Variants in SOS1 observed in about 807,000 individuals in gnomAD.
The protein encoded by SOS1 is SOS Ras/Rac guanine nucleotide exchange factor 1, also known as son of sevenless homolog 1.
A neutral mutation model predicts 157.6 loss-of-function variants in SOS1; 25 were observed. The observed-to-expected ratio is 0.16, with a 90% confidence interval of 0.12 to 0.22. The LOEUF is 0.22. Among genes scored for constraint, SOS1 ranks in the 10% least tolerant of loss-of-function variants. SOS1 has a pLI of 1.00. For synonymous variants in SOS1, 528 were observed against 534.0 expected, an observed-to-expected ratio of 0.99 and a Z score of 0.16; for missense variants, 1,237 against 1,599.1, an observed-to-expected ratio of 0.77 and a Z score of 3.86.
chr2:39,027,408 T>G (rs1242566944), intron 8 of SOS1, among the ~76,000 whole-genome samples: 4 of 152,240 alleles, frequency 2.6e-5, no homozygotes, highest in African/African-American at 9.6e-5. Flanking sequence ...GATGAAATAC[T>G]TTTAAAATGT....
At chr2:39,064,692 T>A (rs568330781) in intron 2 of SOS1, among the ~76,000 whole-genome samples, 1 of 151,312 alleles carries the variant, frequency 6.6e-6, no homozygotes, top group South Asian at 2.1e-4. Context: ...TCAGAAAGAT[T>A]TTTAAATGTG....
chr2:39,076,563 G>A (rs549647156), intron 1 of SOS1, among the ~76,000 whole-genome samples: 1 of 152,264 alleles, frequency 6.6e-6, no homozygotes, highest in East Asian at 1.9e-4. Flanking sequence ...GACAATAGAT[G>A]CAGAAAAGGT....
intron 1 of SOS1, among the ~76,000 whole-genome samples, chr2:39,068,082 G>A (rs1211722890): frequency 6.6e-6 from 1 of 152,182 alleles, no homozygotes; most frequent in East Asian, 1.9e-4. Context: ...TCTTGCCACT[G>A]CACTCCAGCC....
intron 21 of SOS1, among the ~76,000 whole-genome samples, chr2:38,988,207 G>A (rs556287221): frequency 9.9e-5 from 15 of 152,190 alleles, no homozygotes; most frequent in Admixed American, 3.3e-4. Flanking sequence ...AAATTTTAAC[G>A]GTGATGGCAC....
intron 6 of SOS1, among the ~76,000 whole-genome samples, chr2:39,043,204 G>C (rs1050390370): frequency 6.6e-6 from 1 of 152,120 alleles, no homozygotes; most frequent in African/African-American, 2.4e-5. Flanking sequence ...ATTCATGAGT[G>C]AATGTTTAAT....
chr2:39,062,427 A>AT lies in SOS1; in HGVS notation c.214-3624_214-3623insA, dbSNP rs552772459. 1.9e-3 allele frequency among the ~76,000 whole-genome samples: 276 copies of AT among 145,830 alleles called. 2 individuals carry two copies. Among genetic ancestry groups the AT allele is most frequent in the South Asian group, 5.9e-3 (28 of 4,754 alleles). On this transcript the variant is annotated intron_variant, in intron 2 of 22. Coordinates refer to ENST00000402219, the MANE Select transcript of SOS1 (RefSeq NM_005633.4). The stretch of plus-strand genomic sequence containing the variant: ...AGGGAGTCTCTGTCTCAAAATAAAA[A>AT]AAAAAATTAAAAAAAAAAAGAAAAG...
rs151185095 is a variant in SOS1 at position 39,046,975 on chromosome 2, A to G, written c.864+4169T>C. Among the ~76,000 whole-genome samples the G allele has an allele frequency of 6.1e-3, 926 of 152,192 alleles. 4 individuals carry two copies. The highest frequency in any genetic ancestry group is 0.014 in the Middle Eastern group (4 of 294). ...GGTTTTTATTCCTCACTTCTTCCTCATTTTTGATAAATTCAGGAATAACTT... is the reference window on the plus strand; with the variant it reads ...GGTTTTTATTCCTCACTTCTTCCTCGTTTTTGATAAATTCAGGAATAACTT... On this transcript the variant is annotated intron_variant, in intron 6 of 22. Transcript: ENST00000402219.
intron 1 of SOS1, among the ~76,000 whole-genome samples, chr2:39,101,494 T>C (rs997771634): frequency 5.9e-5 from 9 of 152,290 alleles, no homozygotes; most frequent in African/African-American, 1.7e-4. Context: ...ATGCATAGCA[T>C]TATATGTATC....
At chr2:39,045,865 T>G (rs1018609650) in intron 6 of SOS1, among the ~76,000 whole-genome samples, 5 of 152,026 alleles carry the variant, frequency 3.3e-5, no homozygotes, top group Admixed American at 3.3e-4. Flanking sequence ...CACACCACCA[T>G]GCCCAGCTAA....
At chr2:39,090,731 T>G (rs1672562519) in intron 1 of SOS1, among the ~76,000 whole-genome samples, 1 of 151,962 alleles carries the variant, frequency 6.6e-6, no homozygotes, top group Non-Finnish European at 1.5e-5. Context: ...AAACAAAAAC[T>G]TTAGTGCTTA....
intron 1 of SOS1, among the ~76,000 whole-genome samples, chr2:39,090,960 C>G (rs1403722420): frequency 6.6e-6 from 1 of 152,078 alleles, no homozygotes; most frequent in Non-Finnish European, 1.5e-5. Flanking sequence ...CCTCAACCTC[C>G]TGGGTTCAAG....
intron 8 of SOS1, among the ~76,000 whole-genome samples, chr2:39,031,280 C>T (rs939921159): frequency 9.9e-5 from 15 of 152,242 alleles, no homozygotes; most frequent in South Asian, 2.1e-4. Context: ...AAAGAATAGG[C>T]AATTCTCTAG....
At chr2:39,092,148 T>C (rs1010929606) in intron 1 of SOS1, among the ~76,000 whole-genome samples, 2 of 152,196 alleles carry the variant, frequency 1.3e-5, no homozygotes, top group Admixed American at 6.6e-5. Flanking sequence ...TCTCCAAACG[T>C]AATTTTTCTC....
At chr2:39,115,009 T>C (rs543077393) in intron 1 of SOS1, among the ~76,000 whole-genome samples, 1 of 152,276 alleles carries the variant, frequency 6.6e-6, no homozygotes, top group South Asian at 2.1e-4. Context: ...TCCTCTGCTA[T>C]CTCCCTATAC....
chr2:39,008,578 C>T (rs1440654132), intron 15 of SOS1, among the ~76,000 whole-genome samples: 2 of 152,158 alleles, frequency 1.3e-5, no homozygotes, highest in African/African-American at 4.8e-5. Flanking sequence ...CAGGAGACAA[C>T]TAGGAAATAA....
chr2:39,101,143 G>A (rs1333964848), intron 1 of SOS1, among the ~76,000 whole-genome samples: 3 of 152,164 alleles, frequency 2.0e-5, no homozygotes, highest in Admixed American at 6.6e-5. Context: ...TCATGGCAGA[G>A]CCAAAGGGGG....
intron 2 of SOS1, among the ~76,000 whole-genome samples, chr2:39,060,839 T>G (rs1168442490): frequency 1.3e-5 from 2 of 148,622 alleles, no homozygotes; most frequent in African/African-American, 5.0e-5. Context: ...ATAAAAGCAG[T>G]AGAAAAAAGT....
At chr2:39,006,963 A>C in intron 16 of SOS1, 68 bp downstream of exon 16, 1 of 1,025,396 alleles carries the variant, frequency 9.8e-7, no homozygotes, top group Non-Finnish European at 1.5e-6. Flanking sequence ...AAAGATAATA[A>C]TTGTTAAAAA....
chr2:39,016,869 T>TA (rs1487739447), intron 10 of SOS1, among the ~76,000 whole-genome samples: 2 of 152,130 alleles, frequency 1.3e-5, no homozygotes, highest in Non-Finnish European at 2.9e-5. Context: ...CTAAGTGACT[T>TA]AAAGTATGTT....
Sources: gnomAD v4.1 joint callset for allele counts (sites outside exome capture counted in the v4.1 genomes callset) on GRCh38, gnomAD v4.1.1 for gene constraint, MANE v1.5 for transcripts, NCBI Gene and HGNC (gene_info 2026-07-23, HGNC 2026-07-21) for gene names.